Variants in MYBL1 observed in about 807,000 individuals in gnomAD.
MYBL1 encodes the protein MYB proto-oncogene like 1.
In MYBL1, 17 loss-of-function variants were observed where a neutral mutation model predicts 96.3. That is an observed-to-expected ratio of 0.18 (90% CI 0.12 to 0.26). The LOEUF (loss-of-function observed/expected upper bound fraction) is 0.26, where lower values mean the gene tolerates loss of function less well. MYBL1 is among the 10% of genes least tolerant of loss of function. MYBL1 has a pLI of 1.00. For synonymous variants in MYBL1, 282 were observed against 292.7 expected (o/e 0.96, Z 0.37); for missense variants, 701 against 882.9 (o/e 0.79, Z 2.61).
chr8:66,602,700 T>C (rs1199762612), intron 1 of MYBL1, among the ~76,000 whole-genome samples, 177 bp from the exon 2 acceptor site: 1 of 19,726 alleles, frequency 5.1e-5, no homozygotes, highest in African/African-American at 2.2e-4. Context: ...GGGGTGGAGC[T>C]ATATATATAT....
chr8:66,587,987 ACT>A (rs1809486275), intron 8 of MYBL1, among the ~76,000 whole-genome samples: 1 of 152,240 alleles, frequency 6.6e-6, no homozygotes, highest in African/African-American at 2.4e-5. Context: ...GTAATAAAAC[ACT>A]GTTGCAAAGC....
intron 1 of MYBL1, among the ~76,000 whole-genome samples, chr8:66,604,543 C>T (rs532344569): frequency 9.2e-5 from 14 of 151,426 alleles, no homozygotes; most frequent in African/African-American, 2.4e-4. Flanking sequence ...TCCTACTTTA[C>T]AATAAAATAA....
chr8:66,598,328 C>T (rs1180735238), intron 4 of MYBL1, among the ~76,000 whole-genome samples: 2 of 152,110 alleles, frequency 1.3e-5, no homozygotes, highest in Admixed American at 6.5e-5. Context: ...TTTTGAGTGG[C>T]CAAGATGGGC....
chr8:66,566,923 A>C lies in MYBL1; in HGVS notation c.1798T>G (p.Phe600Val). Residue 600 changes from phenylalanine to valine, a missense_variant, in exon 13 of 16, where the codon TTC (phenylalanine) becomes GTC (valine). By Grantham distance (50) the Phe-to-Val change is conservative. This residue lies in a region of MYBL1 where 63 missense variants were observed against 109.2 expected (regional missense o/e 0.58). Transcript: ENST00000522677. ...VLKEETGTDLFLKEEDEPAYK... is the reference protein window; with the variant it reads ...VLKEETGTDLVLKEEDEPAYK... Reference sequence around the variant, plus strand: ...GCAGGTTCATCTTCCTCTTTGAGGAATAGGTCTGTTCCAGTTTCTTCTTTT... The same window carrying C: ...GCAGGTTCATCTTCCTCTTTGAGGACTAGGTCTGTTCCAGTTTCTTCTTTT... 6.2e-7 allele frequency: 1 copy of C among 1,613,424 alleles called. No individual in the cohort carries two copies. Among genetic ancestry groups the C allele is most frequent in the Non-Finnish European group, 8.5e-7 (1 of 1,179,636 alleles).
Position 66,576,340 on chromosome 8 carries a change from A to C in MYBL1, c.1137T>G (p.Asp379Glu). The C allele has an allele frequency of 6.2e-7, 1 of 1,613,588 alleles. No individual in the cohort carries two copies. Among genetic ancestry groups the C allele is most frequent in the Middle Eastern group, 1.7e-4 (1 of 6,058 alleles). Residue 379 changes from aspartate (D) to glutamate (E), a missense_variant, in exon 10 of 16, where the codon GAT becomes GAG. Physicochemically the swap from Asp to Glu is conservative, Grantham distance 45. Coordinates refer to ENST00000522677, the MANE Select transcript of MYBL1 (RefSeq NM_001080416.4). Reference protein sequence around the residue: ...PVAWSDVTSFDISDAAASPIK... With the variant: ...PVAWSDVTSFEISDAAASPIK... ...TAGGAGAAGCAGCAGCATCAGAAAT[A>C]TCAAAACTGGTAACGTCACTCCATG...
At chr8:66,590,601 C>CAA (rs983941485) in intron 8 of MYBL1, among the ~76,000 whole-genome samples, 18 of 65,232 alleles carry the variant, frequency 2.8e-4, no homozygotes, top group Non-Finnish European at 2.0e-4. Flanking sequence ...CTTAGCTAAT[C>CAA]AAAAAAAAAA....
chr8:66,605,376 C>G (rs759569619), intron 1 of MYBL1, among the ~76,000 whole-genome samples: 2 of 151,896 alleles, frequency 1.3e-5, no homozygotes, highest in Non-Finnish European at 2.9e-5. Flanking sequence ...GGCCAGCATA[C>G]AAAGAATAGC....
chr8:66,592,428 C>A lies in MYBL1; in HGVS notation c.867+12G>T. 6.6e-7 allele frequency: 1 copy of A among 1,512,092 alleles called. No homozygotes were observed. 93.7% of individuals were successfully genotyped at this position (1,512,092 alleles called of 1,614,324 possible). ...AGATTCTAACAATACAAATAACAAG[C>A]TTATTTCTTACTGATGGAATTCGCT... On this transcript the variant is annotated intron_variant, in intron 8 of 15. Transcript: ENST00000522677.
At chr8:66,584,479 C>CTATA (rs1809335646) in intron 8 of MYBL1, among the ~76,000 whole-genome samples, 5 of 152,104 alleles carry the variant, frequency 3.3e-5, no homozygotes, top group Admixed American at 3.3e-4. Context: ...CCCTATAACC[C>CTATA]TATATAAAGC....
At chr8:66,572,276 C>T (rs747233790) in intron 12 of MYBL1, among the ~76,000 whole-genome samples, 10 of 150,640 alleles carry the variant, frequency 6.6e-5, no homozygotes, top group African/African-American at 2.2e-4. Context: ...GCTGAGATCG[C>T]GCCACTTCAC....
At chr8:66,572,139 G>A (rs1356139122) in intron 12 of MYBL1, among the ~76,000 whole-genome samples, 1 of 151,766 alleles carries the variant, frequency 6.6e-6, no homozygotes, top group Non-Finnish European at 1.5e-5. Context: ...GGCCAATGTG[G>A]TGAAACCCCA....
In MYBL1 at chr8:66,575,961, G is replaced by A. The variant is rs115320776; in HGVS notation, c.1470+46C>T. On this transcript the variant is annotated intron_variant, in intron 10 of 15. Transcript: ENST00000522677. ...AAGGATGTTAAAGATCTAATTTAAT[G>A]TAACTCATTGACATTTAGAAACATA... The A allele has an allele frequency of 1.4e-3, 2,247 of 1,554,288 alleles. 23 individuals carry two copies. The African/African-American group carries it at 0.026, about 18-fold the overall frequency.
intron 8 of MYBL1, among the ~76,000 whole-genome samples, chr8:66,581,405 G>T (rs1020270438): frequency 6.6e-6 from 1 of 152,086 alleles, no homozygotes; most frequent in Non-Finnish European, 1.5e-5. Flanking sequence ...GAACAGGTAC[G>T]GTGGCTCACG....
intron 8 of MYBL1, among the ~76,000 whole-genome samples, chr8:66,591,483 C>T (rs1809643347): frequency 6.6e-6 from 1 of 152,108 alleles, no homozygotes; most frequent in South Asian, 2.1e-4. Context: ...TAACTTAACA[C>T]TCCTAGTTAG....
At chr8:66,604,538 C>T (rs1457592434) in intron 1 of MYBL1, among the ~76,000 whole-genome samples, 1 of 151,728 alleles carries the variant, frequency 6.6e-6, no homozygotes, top group East Asian at 1.9e-4. Flanking sequence ...TGGTGTCCTA[C>T]TTTACAATAA....
At chr8:66,594,037 G>A (rs546506851) in intron 6 of MYBL1, among the ~76,000 whole-genome samples, 30 of 152,058 alleles carry the variant, frequency 2.0e-4, no homozygotes, top group African/African-American at 6.5e-4. Flanking sequence ...TCAGGAGGCC[G>A]AAGCAGGAGG....
In MYBL1 at chr8:66,601,716, T is replaced by C. The variant is rs1344579056; in HGVS notation, c.180A>G (p.Leu60=). The change falls in exon 3 of 16, where the codon CTA becomes CTG. Residue 60 remains leucine (L), a synonymous_variant. Transcript: ENST00000522677. ...CACTTACTTGAAGATGACTAGCAATTAGAGTCCAATCATCAGTTCCATGTT... is the reference window on the plus strand; with the variant it reads ...CACTTACTTGAAGATGACTAGCAATCAGAGTCCAATCATCAGTTCCATGTT... The part of the protein sequence containing the change: ...VEQHGTDDWT[L]IASHLQNRSD... 6.6e-7 allele frequency: 1 copy of C among 1,518,352 alleles called. No individual in the cohort carries two copies. Among genetic ancestry groups the C allele is most frequent in the Admixed American group, 2.0e-5 (1 of 50,182 alleles). 94.1% of individuals were successfully genotyped at this position (1,518,352 alleles called of 1,614,324 possible). A position where few individuals can be genotyped will look rare whatever the true frequency, so the allele number is the denominator to read the frequency against.
chr8:66,593,227 T>C, intron 6 of MYBL1, 33 bp from the exon 7 acceptor site: 2 of 1,275,278 alleles, frequency 1.6e-6, no homozygotes, highest in Non-Finnish European at 2.2e-6. Context: ...TTATCATACA[T>C]ATAATGCTAT....
chr8:66,597,225 C>T (rs1400717493), intron 5 of MYBL1, 105 bp downstream of exon 5: 2 of 833,788 alleles, frequency 2.4e-6, no homozygotes, highest in Non-Finnish European at 3.5e-6. Flanking sequence ...ATTTTAATTA[C>T]AAATTTAAAA....
Sources: gnomAD v4.1 joint callset for allele counts (sites outside exome capture counted in the v4.1 genomes callset) on GRCh38, gnomAD v4.1.1 for gene constraint, gnomAD v4.1.1 regional missense constraint, MANE v1.5 for transcripts, NCBI Gene and HGNC (gene_info 2026-07-23, HGNC 2026-07-21) for gene names.